The following ADAMTS19 variants were observed in gnomAD, a reference collection of about 807,000 sequenced individuals.
ADAMTS19 encodes the protein ADAM metallopeptidase with thrombospondin type 1 motif 19, also known as A disintegrin and metalloproteinase with thrombospondin motifs 19.
A neutral mutation model predicts 153.3 loss-of-function variants in ADAMTS19; 93 were observed. The observed-to-expected ratio is 0.61, with a 90% CI of 0.51 to 0.72. The LOEUF (loss-of-function observed/expected upper bound fraction) is 0.72. ADAMTS19 is among the 30% of genes least tolerant of loss of function. The probability of loss-of-function intolerance (pLI) is 0.00; values close to 1 mark genes in which losing one functional copy is unlikely to be tolerated. For synonymous variants in ADAMTS19, 600 were observed against 556.6 expected, an observed-to-expected ratio of 1.08 and a Z score of -1.10; for missense variants, 1,482 against 1,552.1, an observed-to-expected ratio of 0.95 and a Z score of 0.76.
intron 21 of ADAMTS19, among the ~76,000 whole-genome samples, chr5:129,708,552 C>T (rs539144039): frequency 1.8e-5 from 2 of 114,108 alleles, no homozygotes; most frequent in Non-Finnish European, 3.3e-5. Context: ...TAAACTTCTG[C>T]AACTCCTGAT....
chr5:129,703,636 G>A (rs1251179025), intron 20 of ADAMTS19, among the ~76,000 whole-genome samples: 1 of 152,068 alleles, frequency 6.6e-6, no homozygotes, highest in East Asian at 1.9e-4. Flanking sequence ...GGCAGCTGAA[G>A]TGAGAGGATC....
chr5:129,592,372 C>T (rs976032389), intron 7 of ADAMTS19, among the ~76,000 whole-genome samples: 2 of 112,822 alleles, frequency 1.8e-5, no homozygotes, highest in African/African-American at 8.1e-5. Flanking sequence ...AGTGGGTCTC[C>T]GTTTCAAAAA....
rs143171794 is a variant in ADAMTS19, at chr5:129,616,004, G to C, written c.1479-4614G>C. Reference sequence around the variant, plus strand: ...AACCTGTAATATAATGCACGACAACGTCAAAAGGAATCTCTTTTTGTACCT... The same window carrying C: ...AACCTGTAATATAATGCACGACAACCTCAAAAGGAATCTCTTTTTGTACCT... On this transcript the variant is annotated intron_variant, in intron 8 of 22. Transcript: ENST00000274487. 3.1e-3 allele frequency among the ~76,000 whole-genome samples: 472 copies of C among 152,060 alleles called. 1 individual carries two copies. Among genetic ancestry groups the C allele is most frequent in the African/African-American group, 0.011 (445 of 41,540 alleles).
At chr5:129,619,240 G>A (rs904410351) in intron 8 of ADAMTS19, among the ~76,000 whole-genome samples, 4 of 151,998 alleles carry the variant, frequency 2.6e-5, no homozygotes, top group African/African-American at 9.7e-5. Context: ...AATCATATGA[G>A]TTCTAGAGCC....
chr5:129,720,016 C>T (rs114852294), intron 21 of ADAMTS19, among the ~76,000 whole-genome samples: 4,730 of 152,034 alleles, frequency 0.031, 104 homozygotes, highest in Non-Finnish European at 0.052. Context: ...CCAGCCTGGG[C>T]AACAGACGGA....
chr5:129,578,480 G>A (rs1462516125), intron 7 of ADAMTS19, among the ~76,000 whole-genome samples: 1 of 150,942 alleles, frequency 6.6e-6, no homozygotes, highest in Non-Finnish European at 1.5e-5. Context: ...TTTAAGTTCT[G>A]GGGTACATGT....
Position 129,738,417 on chromosome 5 carries a change from C to T in ADAMTS19, c.*1199C>T, listed in dbSNP as rs530544165. 6.6e-6 allele frequency: 1 copy of T among 152,102 alleles called. No homozygotes were observed. Among genetic ancestry groups the T allele is most frequent in the South Asian group, 2.1e-4 (1 of 4,826 alleles). The allele number at this position is 152,102 out of a possible 1,614,324, so 9.4% of individuals were successfully genotyped here. A position where few individuals can be genotyped will look rare whatever the true frequency, so the allele number is the denominator to read the frequency against. The stretch of plus-strand genomic sequence containing the variant: ...ACTGTCTACTTTTGTTCTGGAGTAT[C>T]TTCTAGAGGATGTTTATAGAGTGAA... On this transcript the variant is annotated 3_prime_UTR_variant, in exon 23 of 23. Transcript: ENST00000274487.
chr5:129,628,979 G>A (rs1752173644), intron 10 of ADAMTS19, among the ~76,000 whole-genome samples: 1 of 152,002 alleles, frequency 6.6e-6, no homozygotes. Context: ...ATTAAGCAAA[G>A]CATGACTGTA....
At chr5:129,684,507 TTAC>T (rs879437519) in intron 18 of ADAMTS19, among the ~76,000 whole-genome samples, 5,496 of 151,918 alleles carry the variant, frequency 0.036, 285 homozygotes, top group African/African-American at 0.11. Context: ...TTGCATTACA[TTAC>T]ATTACATTAC....
intron 2 of ADAMTS19, among the ~76,000 whole-genome samples, chr5:129,499,948 T>C (rs1182041692): frequency 6.6e-6 from 1 of 152,142 alleles, no homozygotes; most frequent in Non-Finnish European, 1.5e-5. Context: ...ATTATACATG[T>C]ATAGCTTTTC....
chr5:129,545,756 G>A (rs1316045750), intron 6 of ADAMTS19, among the ~76,000 whole-genome samples: 1 of 150,828 alleles, frequency 6.6e-6, no homozygotes, highest in African/African-American at 2.5e-5. Flanking sequence ...GAGAGGATGT[G>A]GAGAAATAAG....
At chr5:129,506,113 T>G (rs997689896) in intron 2 of ADAMTS19, among the ~76,000 whole-genome samples, 1 of 152,144 alleles carries the variant, frequency 6.6e-6, no homozygotes. Context: ...TAAAACAATT[T>G]ATTTTGTTAA....
At chr5:129,520,079 G>A (rs921769093) in intron 3 of ADAMTS19, among the ~76,000 whole-genome samples, 8 of 152,156 alleles carry the variant, frequency 5.3e-5, no homozygotes, top group African/African-American at 9.6e-5. Flanking sequence ...CATGGACCCC[G>A]AAATGTGATT....
intron 2 of ADAMTS19, among the ~76,000 whole-genome samples, chr5:129,507,187 A>G (rs1561543236): frequency 6.6e-6 from 1 of 152,018 alleles, no homozygotes. Context: ...TGAGCAGCAT[A>G]ATTCTTATTT....
chr5:129,506,435 T>C (rs1349548046), intron 2 of ADAMTS19, among the ~76,000 whole-genome samples: 2 of 146,836 alleles, frequency 1.4e-5, no homozygotes, highest in East Asian at 3.9e-4. Context: ...AGTAGCTTTC[T>C]TGTTTTTTTT....
At chr5:129,674,154 C>T (rs1012359274) in intron 16 of ADAMTS19, among the ~76,000 whole-genome samples, 10 of 151,886 alleles carry the variant, frequency 6.6e-5, no homozygotes, top group African/African-American at 2.4e-4. Context: ...TCACTTGAAC[C>T]CGGGAGGCGG....
At chr5:129,709,931 A>G (rs1273824765) in intron 21 of ADAMTS19, among the ~76,000 whole-genome samples, 2 of 151,240 alleles carry the variant, frequency 1.3e-5, no homozygotes, top group African/African-American at 4.9e-5. Context: ...GGCTCATAGG[A>G]TCTTTGGCCT....
intron 21 of ADAMTS19, among the ~76,000 whole-genome samples, chr5:129,723,082 C>T (rs1009393872): frequency 3.3e-5 from 5 of 152,114 alleles, no homozygotes; most frequent in African/African-American, 1.2e-4. Context: ...ATCAGTAATG[C>T]CAAACCCTGT....
At chr5:129,651,619 C>T (rs1355675223) in intron 13 of ADAMTS19, among the ~76,000 whole-genome samples, 1 of 151,992 alleles carries the variant, frequency 6.6e-6, no homozygotes, top group East Asian at 1.9e-4. Context: ...ATTTATTTAC[C>T]TTGAACACTT....
Sources: allele counts gnomAD v4.1 joint callset (sites outside exome capture counted in the v4.1 genomes callset), GRCh38; gene constraint gnomAD v4.1.1; transcripts MANE v1.5; gene names NCBI Gene and HGNC (gene_info 2026-07-23, HGNC 2026-07-21).